The following CFAP47 variants were observed in gnomAD, a reference collection of about 807,000 sequenced individuals.
CFAP47 encodes the protein cilia- and flagella-associated protein 47.
CFAP47 carries 29 observed loss-of-function variants against 148.1 expected under a neutral mutation model. That is an observed-to-expected ratio of 0.20 (90% CI 0.15 to 0.27). The LOEUF is 0.27. CFAP47 is among the 10% of genes least tolerant of loss of function. The pLI, the probability that CFAP47 is intolerant of heterozygous loss-of-function variation, is 1.00. For synonymous variants in CFAP47, 664 were observed against 577.3 expected (o/e 1.15, Z -2.15); for missense variants, 1,872 against 1,697.5 (o/e 1.10, Z -1.81).
intron 57 of CFAP47, among the ~76,000 whole-genome samples, chrX:36,324,017 A>G (rs1356523593): frequency 9.0e-6 from 1 of 111,604 alleles, no homozygotes; most frequent in Admixed American, 9.6e-5. Context: ...AAAACTGGTG[A>G]CAAGGACTAG....
At chrX:36,118,317 A>T (rs1288410534) in intron 33 of CFAP47, among the ~76,000 whole-genome samples, 1 of 111,161 alleles carries the variant, frequency 9.0e-6, no homozygotes, top group Non-Finnish European at 1.9e-5. Context: ...TGGAATCTGT[A>T]GTTTGCTTTG....
chrX:35,939,381 T>C (rs1935964700), intron 2 of CFAP47, among the ~76,000 whole-genome samples: 1 of 104,740 alleles, frequency 9.5e-6, no homozygotes, highest in Non-Finnish European at 2.0e-5. Flanking sequence ...GCCATGCTGG[T>C]GTGCTGCACC....
At chrX:36,129,759 C>T (rs977402403) in intron 33 of CFAP47, among the ~76,000 whole-genome samples, 5 of 110,702 alleles carry the variant, frequency 4.5e-5, no homozygotes, top group African/African-American at 1.6e-4. Context: ...AAATGCCAGT[C>T]CATGTAGTAC....
At chrX:36,008,460 T>C (rs912961306) in intron 21 of CFAP47, among the ~76,000 whole-genome samples, 1 of 110,318 alleles carries the variant, frequency 9.1e-6, no homozygotes, top group African/African-American at 3.3e-5. Context: ...TTCTAGAGGG[T>C]CCTTATCTGT....
intron 4 of CFAP47, among the ~76,000 whole-genome samples, chrX:35,949,782 T>C (rs1269919997): frequency 3.6e-5 from 4 of 112,243 alleles, no homozygotes; most frequent in Non-Finnish European, 5.6e-5. Context: ...TTATACTTAC[T>C]AGTTTAGTAA....
chrX:36,195,648 A>C (rs1939911950), intron 42 of CFAP47, among the ~76,000 whole-genome samples: 1 of 111,313 alleles, frequency 9.0e-6, no homozygotes, highest in African/African-American at 3.3e-5. Context: ...ACTGCTTCAC[A>C]TACTCCCTTT....
At chrX:36,091,263 C>T (rs1461464567) in intron 30 of CFAP47, among the ~76,000 whole-genome samples, 1 of 111,651 alleles carries the variant, frequency 9.0e-6, no homozygotes, top group Non-Finnish European at 1.9e-5. Flanking sequence ...GCTCCCTCCT[C>T]AAGAAGCTCC....
At chrX:36,142,695 C>T (rs189104103) in intron 35 of CFAP47, among the ~76,000 whole-genome samples, 1,259 of 111,253 alleles carry the variant, frequency 0.011, 13 homozygotes, top group African/African-American at 0.039. Context: ...CCATTAAAAA[C>T]GTATTTTTTA....
At chrX:36,165,935 G>T (rs1292723795) in intron 39 of CFAP47, among the ~76,000 whole-genome samples, 1 of 111,165 alleles carries the variant, frequency 9.0e-6, no homozygotes, top group Non-Finnish European at 1.9e-5. Flanking sequence ...TCTACTTAAA[G>T]GCTCTTTCTC....
chrX:36,171,878 T>C (rs1939585071), intron 39 of CFAP47, among the ~76,000 whole-genome samples: 1 of 109,374 alleles, frequency 9.1e-6, no homozygotes, highest in Non-Finnish European at 1.9e-5. Context: ...AATCTATAAA[T>C]TACCTTGGGC....
rs776287161 is a variant in CFAP47, at chrX:36,077,183, CTTTTTTTTTTTTTTTTTTTTTTTTTT to C, written c.4691+3834_4691+3859del. Among the ~76,000 whole-genome samples, 37 of 20,991 alleles carry C rather than the reference CTTTTTTTTTTTTTTTTTTTTTTTTTT, an allele frequency of 1.8e-3. 1 individual carries two copies. Among genetic ancestry groups the C allele is most frequent in the African/African-American group, 3.6e-3 (22 of 6,107 alleles). 18.2% of individuals were successfully genotyped at this position (20,991 alleles called of 115,157 possible). On this transcript the variant is annotated intron_variant, in intron 29 of 63. Coordinates refer to ENST00000378653, the MANE Select transcript of CFAP47 (RefSeq NM_001304548.2). ...AAGTCAGGTAATACAGCGCCTCCAGCTTTTTTTTTTTTTTTTTTTTTTTTTTTTTTTTTTTTTTTTGCTCAGGAGTC... is the reference window on the plus strand; with the variant it reads ...AAGTCAGGTAATACAGCGCCTCCAGCTTTTTTTTTTTTTTGCTCAGGAGTC...
chrX:36,368,920 A>G (rs1361295195), intron 62 of CFAP47, among the ~76,000 whole-genome samples: 5 of 111,182 alleles, frequency 4.5e-5, no homozygotes, highest in Non-Finnish European at 9.4e-5. Context: ...ACTGTTTTTG[A>G]TATTAAGTCT....
At chrX:36,352,759 T>C (rs1039720546) in intron 59 of CFAP47, among the ~76,000 whole-genome samples, 6 of 110,268 alleles carry the variant, frequency 5.4e-5, no homozygotes, top group African/African-American at 2.0e-4. Context: ...ACAGACTATT[T>C]TGATTTCTCA....
chrX:35,951,834 C>T lies in CFAP47; in HGVS notation c.917C>T (p.Ala306Val), dbSNP rs1397141302. 1 of 1,151,685 alleles carries T rather than the reference C, an allele frequency of 8.7e-7. No homozygotes were observed. Among genetic ancestry groups the T allele is most frequent in the Admixed American group, 3.2e-5 (1 of 31,479 alleles). The allele number at this position is 1,151,685 out of a possible 1,213,427, so 94.9% of individuals were successfully genotyped here. Reference sequence around the variant, plus strand: ...GATATTCAACAAAGAACAGATATTGCTTTAAATAATCTCACCTACATAAGA... The same window carrying T: ...GATATTCAACAAAGAACAGATATTGTTTTAAATAATCTCACCTACATAAGA... ...GTDIQQRTDIALNNLTYIRKI... is the reference protein window; with the variant it reads ...GTDIQQRTDIVLNNLTYIRKI... Residue 306 changes from alanine (A) to valine (V), a missense_variant, in exon 6 of 64, where the codon GCT (alanine) becomes GTT (valine). Transcript: ENST00000378653.
intron 18 of CFAP47, among the ~76,000 whole-genome samples, chrX:35,995,081 A>G (rs1014013834): frequency 9.0e-6 from 1 of 111,673 alleles, no homozygotes; most frequent in African/African-American, 3.3e-5. Context: ...TCTAAAAGAC[A>G]CCTGAAGTTA....
At chrX:36,330,864 A>G (rs1165873922) in intron 57 of CFAP47, among the ~76,000 whole-genome samples, 1 of 111,848 alleles carries the variant, frequency 8.9e-6, no homozygotes, top group African/African-American at 3.2e-5. Flanking sequence ...TTTTTCAATG[A>G]TCATACCCGT....
At chrX:36,211,614 C>A (rs1940101406) in intron 45 of CFAP47, 2 of 200,379 alleles carry the variant, frequency 1.0e-5, no homozygotes, top group African/African-American at 5.1e-5. Context: ...TAAAGGAAAG[C>A]CTGATGCAGC....
chrX:35,925,970 T>TA, intron 1 of CFAP47, 47 bp from the exon 2 acceptor site: 2 of 1,064,559 alleles, frequency 1.9e-6, no homozygotes, highest in African/African-American at 3.8e-5. Context: ...ATTTTTTTTT[T>TA]ATAAGGAGTT....
At chrX:36,139,325 A>C (rs1298824552) in intron 35 of CFAP47, among the ~76,000 whole-genome samples, 1 of 111,614 alleles carries the variant, frequency 9.0e-6, no homozygotes, top group Admixed American at 9.6e-5. Context: ...GTAGAGTTTG[A>C]AAAAGTGACA....
Sources: gnomAD v4.1 joint callset for allele counts (sites outside exome capture counted in the v4.1 genomes callset) on GRCh38, gnomAD v4.1.1 for gene constraint, MANE v1.5 for transcripts, NCBI Gene and HGNC (gene_info 2026-07-23, HGNC 2026-07-21) for gene names.